Variants in CNTNAP2 observed in about 807,000 individuals in gnomAD.
The protein encoded by CNTNAP2 is contactin associated protein 2, also known as contactin-associated protein-like 2.
A neutral mutation model predicts 155.2 loss-of-function variants in CNTNAP2; 98 were observed. The ratio of observed to expected loss-of-function variants is 0.63; its 90% CI spans 0.54 to 0.75. The LOEUF (loss-of-function observed/expected upper bound fraction) is 0.75, where lower values mean the gene tolerates loss of function less well. CNTNAP2 is among the 30% of genes least tolerant of loss of function. The pLI is 0.00. For missense variants in CNTNAP2, 1,727 were observed against 1,688.1 expected (o/e 1.02, Z -0.40); for synonymous variants, 651 against 631.2 (o/e 1.03, Z -0.47).
intron 1 of CNTNAP2, among the ~76,000 whole-genome samples, chr7:146,329,411 T>C (rs369359364): frequency 6.6e-6 from 1 of 152,240 alleles, no homozygotes; most frequent in African/African-American, 2.4e-5. Flanking sequence ...CTGACATATA[T>C]GGAGGCTAGC....
At chr7:146,509,969 T>C (rs779295036) in intron 1 of CNTNAP2, among the ~76,000 whole-genome samples, 3 of 152,072 alleles carry the variant, frequency 2.0e-5, no homozygotes, top group Non-Finnish European at 2.9e-5. Context: ...ATAACCCATA[T>C]TGGGGCCACA....
At chr7:148,379,796 C>T (rs190682540) in intron 21 of CNTNAP2, among the ~76,000 whole-genome samples, 214 of 152,334 alleles carry the variant, frequency 1.4e-3, no homozygotes, top group African/African-American at 4.9e-3. Context: ...GTACACGAGG[C>T]CCCAAGCACA....
At chr7:146,546,888 C>T (rs936418075) in intron 1 of CNTNAP2, among the ~76,000 whole-genome samples, 1 of 151,906 alleles carries the variant, frequency 6.6e-6, no homozygotes, top group Admixed American at 6.6e-5. Flanking sequence ...TGGGTCCCTC[C>T]CATGATTATG....
intron 21 of CNTNAP2, among the ~76,000 whole-genome samples, chr7:148,344,135 A>G (rs1798280928): frequency 6.6e-6 from 1 of 152,080 alleles, no homozygotes; most frequent in Admixed American, 6.5e-5. Flanking sequence ...AGAGCCTTTG[A>G]CTCAGTCTCT....
intron 2 of CNTNAP2, among the ~76,000 whole-genome samples, chr7:146,810,662 T>G (rs1803049826): frequency 6.6e-6 from 1 of 152,042 alleles, no homozygotes; most frequent in African/African-American, 2.4e-5. Context: ...AACTTGGACT[T>G]CCATACTAGG....
chr7:147,986,234 T>C (rs1474516604), intron 15 of CNTNAP2, among the ~76,000 whole-genome samples: 1 of 152,196 alleles, frequency 6.6e-6, no homozygotes, highest in Non-Finnish European at 1.5e-5. Flanking sequence ...CCATTAATTA[T>C]AATACATTCG....
intron 1 of CNTNAP2, among the ~76,000 whole-genome samples, chr7:146,408,862 G>T (rs1294068675): frequency 6.6e-6 from 1 of 150,942 alleles, no homozygotes; most frequent in Non-Finnish European, 1.5e-5. Context: ...AAAAAAAAAA[G>T]AATCAAGAAA....
chr7:146,781,029 C>T (rs1009819915), intron 2 of CNTNAP2, among the ~76,000 whole-genome samples: 4 of 151,824 alleles, frequency 2.6e-5, no homozygotes, highest in African/African-American at 4.8e-5. Context: ...GAGATCCAGA[C>T]CATCCTGGCT....
chr7:146,618,500 T>A (rs1376750438), intron 1 of CNTNAP2, among the ~76,000 whole-genome samples: 1 of 152,132 alleles, frequency 6.6e-6, no homozygotes, highest in Non-Finnish European at 1.5e-5. Flanking sequence ...TGCCATAATT[T>A]TGGGGAAGAC....
chr7:147,008,002 A>C (rs1339505567), intron 3 of CNTNAP2, among the ~76,000 whole-genome samples: 1 of 152,160 alleles, frequency 6.6e-6, no homozygotes, highest in East Asian at 1.9e-4. Context: ...AAATTATTTA[A>C]TATGACAAGT....
chr7:147,897,764 T>C (rs911322131), intron 13 of CNTNAP2, among the ~76,000 whole-genome samples: 1 of 152,152 alleles, frequency 6.6e-6, no homozygotes, highest in Non-Finnish European at 1.5e-5. Context: ...TTTCCATAAA[T>C]GGGATATTTC....
At chr7:147,631,943 A>T (rs1209114502) in intron 12 of CNTNAP2, among the ~76,000 whole-genome samples, 4 of 152,182 alleles carry the variant, frequency 2.6e-5, no homozygotes, top group African/African-American at 7.2e-5. Context: ...ATGACAAAGC[A>T]TCCGAAAGCA....
intron 8 of CNTNAP2, among the ~76,000 whole-genome samples, chr7:147,243,347 T>G (rs982320806): frequency 7.9e-5 from 12 of 152,148 alleles, no homozygotes; most frequent in Non-Finnish European, 2.9e-5. Context: ...TTATCTTATC[T>G]AATTTTCTAT....
intron 1 of CNTNAP2, among the ~76,000 whole-genome samples, chr7:146,669,836 T>C (rs1800269290): frequency 1.2e-5 from 1 of 81,026 alleles, no homozygotes; most frequent in Non-Finnish European, 2.6e-5. Flanking sequence ...AACATTTTAC[T>C]AAGCAAATTT....
At chr7:147,064,376 A>C (rs1004089530) in intron 4 of CNTNAP2, among the ~76,000 whole-genome samples, 1 of 152,206 alleles carries the variant, frequency 6.6e-6, no homozygotes. Flanking sequence ...TGTTAAGTGC[A>C]TATCCTACCA....
chr7:146,943,788 A>G (rs1164346704), intron 3 of CNTNAP2, among the ~76,000 whole-genome samples: 1 of 152,210 alleles, frequency 6.6e-6, no homozygotes, highest in African/African-American at 2.4e-5. Flanking sequence ...AAAAATGATA[A>G]GAACTACAGG....
At chr7:146,207,573 A>G (rs944297036) in intron 1 of CNTNAP2, among the ~76,000 whole-genome samples, 6 of 150,738 alleles carry the variant, frequency 4.0e-5, no homozygotes, top group African/African-American at 1.2e-4. Context: ...AATCATAACA[A>G]TGTGTTAGAC....
At chr7:147,626,380 A>G (rs1794976746) in intron 12 of CNTNAP2, among the ~76,000 whole-genome samples, 1 of 151,592 alleles carries the variant, frequency 6.6e-6, no homozygotes, top group Admixed American at 6.6e-5. Context: ...GCTATTCCCC[A>G]CTTCTCTGGT....
At chr7:147,969,594 T>C (rs1433194297) in intron 14 of CNTNAP2, among the ~76,000 whole-genome samples, 1 of 152,152 alleles carries the variant, frequency 6.6e-6, no homozygotes, top group African/African-American at 2.4e-5. Flanking sequence ...TTAAGGTTTG[T>C]CACCTTTTTC....
Sources: allele counts gnomAD v4.1 joint callset (sites outside exome capture counted in the v4.1 genomes callset), GRCh38; gene constraint gnomAD v4.1.1; transcripts MANE v1.5; gene names NCBI Gene and HGNC (gene_info 2026-07-23, HGNC 2026-07-21).